ABCB8: variants seen among roughly 807,000 people sequenced by gnomAD.
ABCB8 encodes mitochondrial potassium channel ATP-binding subunit.
ABCB8 carries 52 observed loss-of-function variants against 73.0 expected under a neutral mutation model. The observed-to-expected ratio is 0.71, with a 90% CI of 0.57 to 0.90. ABCB8 has a LOEUF of 0.90. ABCB8 is among the 40% of genes least tolerant of loss of function. ABCB8 has a pLI of 0.00. For synonymous variants in ABCB8, 428 were observed against 423.5 expected, an observed-to-expected ratio of 1.01 and a Z score of -0.13; for missense variants, 909 against 974.6, an observed-to-expected ratio of 0.93 and a Z score of 0.90.
At chr7:151,032,747 T>C in intron 1 of ABCB8, 1 of 282,006 alleles carries the variant, frequency 3.5e-6, no homozygotes, top group Non-Finnish European at 7.2e-6. Flanking sequence ...TAGCATTTTA[T>C]AGATGTGGCA....
chr7:151,033,344 G>C, intron 1 of ABCB8: 1 of 1,239,886 alleles, frequency 8.1e-7, no homozygotes, highest in Non-Finnish European at 1.1e-6. Flanking sequence ...GGCTGGCTGG[G>C]TGTTGCCTGA....
chr7:151,031,033 A>G (rs1439697631), intron 1 of ABCB8, among the ~76,000 whole-genome samples: 2 of 152,218 alleles, frequency 1.3e-5, no homozygotes, highest in African/African-American at 4.8e-5. Flanking sequence ...GTATGTGTTC[A>G]TTGTACTGGG....
rs1424454808 is a variant in ABCB8, at chr7:151,041,106, C to G, written c.1491C>G (p.Thr497=). The change falls in exon 13 of 16, where the codon ACC becomes ACG. Residue 497 remains threonine, a synonymous_variant. Coordinates refer to ENST00000358849, the MANE Select transcript of ABCB8 (RefSeq NM_007188.5). ...CTCAACCCAATTCCCCAGGAAAGAC[C>G]ACCGTGGCTTCCCTGCTGGAGCGCT... The part of the protein sequence containing the change: ...ALVGQSGGGK[T]TVASLLERFY... 5.6e-6 allele frequency: 9 copies of G among 1,613,554 alleles called. No homozygotes were observed. In the East Asian group the frequency reaches 2.0e-4, roughly 36 times the overall value.
intron 15 of ABCB8, among the ~76,000 whole-genome samples, 167 bp downstream of exon 15, chr7:151,044,388 C>G (rs569419199): frequency 2.8e-4 from 42 of 152,298 alleles, no homozygotes; most frequent in African/African-American, 9.9e-4. Flanking sequence ...TGCATTCAGC[C>G]AAGCCCTGGC....
In ABCB8 at chr7:151,031,657, A is replaced by AGTC. The variant is rs1217627128; in HGVS notation, c.96-1947_96-1945dup. 3.0e-5 allele frequency: 5 copies of AGTC among 164,624 alleles called. No homozygotes were observed. In the Admixed American group the frequency reaches 3.0e-4, roughly 10 times the overall value. 10.2% of individuals were successfully genotyped at this position (164,624 alleles called of 1,614,324 possible). Reference sequence around the variant, plus strand: ...ATCTTTTTTTTTTTTTTCAAGACAGAGTCTTGCTCTGTTGTCCAGGCTGGA... The same window carrying AGTC: ...ATCTTTTTTTTTTTTTTCAAGACAGAGTCGTCTTGCTCTGTTGTCCAGGCTGGA... On this transcript the variant is annotated intron_variant, in intron 1 of 15. Coordinates refer to ENST00000358849, the MANE Select transcript of ABCB8 (RefSeq NM_007188.5).
Position 151,035,714 on chromosome 7 carries a change from G to A in ABCB8, c.899G>A (p.Arg300Gln), listed in dbSNP as rs754096279. 2.7e-5 allele frequency: 43 copies of A among 1,613,502 alleles called. No homozygotes were observed. The highest frequency in any genetic ancestry group is 3.3e-5 in the Admixed American group (2 of 60,028). The change falls in exon 6 of 16, where the codon CGA becomes CAA. Residue 300 changes from arginine (R) to glutamine (Q), a missense_variant. By Grantham distance (43) the Arg-to-Gln change is conservative. Transcript: ENST00000358849. ...GVGTLMGSGL[R>Q]KLSRQCQEQI... ...GGCACCCTGATGGGCTCAGGCCTCC[G>A]AAAATTGTCTCGCCAGTGTCAGGAG...
intron 9 of ABCB8, chr7:151,037,642 C>A: frequency 2.7e-6 from 1 of 368,256 alleles, no homozygotes; most frequent in Non-Finnish European, 5.2e-6. Flanking sequence ...GCCACCCCAT[C>A]CCTCCCCCCA....
At chr7:151,040,367 C>T (rs1288078634) in intron 10 of ABCB8, 66 bp downstream of exon 10, 1 of 1,601,434 alleles carries the variant, frequency 6.2e-7, no homozygotes, top group Admixed American at 1.7e-5. Context: ...GCTGTGGGAG[C>T]TGCCTATTGA....
chr7:151,037,837 A>G (rs1214177625), intron 9 of ABCB8: 2 of 170,526 alleles, frequency 1.2e-5, no homozygotes, highest in Non-Finnish European at 2.5e-5. Context: ...CAAACCTGAC[A>G]TTCCACAGAG....
At chr7:151,028,816 G>T in intron 1 of ABCB8, 1 of 1,555,634 alleles carries the variant, frequency 6.4e-7, no homozygotes. Flanking sequence ...TCCTGCGTCT[G>T]CAGCCGCGTG....
intron 14 of ABCB8, among the ~76,000 whole-genome samples, chr7:151,043,147 A>G (rs1239545132): frequency 1.3e-5 from 2 of 152,210 alleles, no homozygotes; most frequent in African/African-American, 4.8e-5. Context: ...CCCCACAGCC[A>G]CAGAGACCCG....
chr7:151,034,876 A>C, intron 5 of ABCB8, 47 bp downstream of exon 5: 1 of 1,531,432 alleles, frequency 6.5e-7, no homozygotes, highest in Non-Finnish European at 9.0e-7. Flanking sequence ...ACACTTTCCC[A>C]TGTGGATTCA....
intron 14 of ABCB8, among the ~76,000 whole-genome samples, chr7:151,043,627 A>G (rs1378858388): frequency 5.1e-5 from 4 of 78,816 alleles, no homozygotes; most frequent in Admixed American, 1.6e-4. Context: ...GCACAGTGCA[A>G]GGTGGAGGGT....
chr7:151,028,771 T>C, intron 1 of ABCB8, 161 bp downstream of exon 1: 2 of 1,536,874 alleles, frequency 1.3e-6, no homozygotes, highest in Non-Finnish European at 1.7e-6. Flanking sequence ...TGGCCTCAAT[T>C]ATTTATAGTG....
At chr7:151,032,467 A>G (rs965206967) in intron 1 of ABCB8, among the ~76,000 whole-genome samples, 1 of 152,186 alleles carries the variant, frequency 6.6e-6, no homozygotes, top group Non-Finnish European at 1.5e-5. Flanking sequence ...AGGCTGAGGC[A>G]GGTGGATCAT....
At chr7:151,035,438 G>A (rs923549929) in intron 5 of ABCB8, 143 bp from the exon 6 acceptor site, 2 of 950,592 alleles carry the variant, frequency 2.1e-6, no homozygotes, top group African/African-American at 3.3e-5. Flanking sequence ...ACTGTGACCG[G>A]TGGACTGCCA....
intron 8 of ABCB8, 35 bp downstream of exon 8, chr7:151,036,205 G>A (rs1796305158): frequency 4.5e-6 from 7 of 1,566,516 alleles, no homozygotes; most frequent in Non-Finnish European, 6.1e-6. Flanking sequence ...AGGGGCGCTT[G>A]TGGGCTGGGG....
intron 12 of ABCB8, 46 bp from the exon 13 acceptor site, chr7:151,041,053 A>G (rs557561587): frequency 8.1e-6 from 13 of 1,613,196 alleles, no homozygotes; most frequent in African/African-American, 1.3e-5. Flanking sequence ...TCCTGGGACA[A>G]TCCCTAGAAT....
chr7:151,032,373 G>A lies in ABCB8; in HGVS notation c.96-1232G>A, dbSNP rs544433841. On this transcript the variant is annotated intron_variant, in intron 1 of 15. Coordinates refer to ENST00000358849, the MANE Select transcript of ABCB8 (RefSeq NM_007188.5). Reference sequence around the variant, plus strand: ...CTGTCATGTAACTCCATAACTCCGAGCAGAGCACCTGCACACAGTAGGTTC... The same window carrying A: ...CTGTCATGTAACTCCATAACTCCGAACAGAGCACCTGCACACAGTAGGTTC... Among the ~76,000 whole-genome samples the A allele has an allele frequency of 3.3e-5, 5 of 152,338 alleles. No homozygotes were observed. The East Asian group carries it at 9.6e-4, about 29-fold the overall frequency.
Sources: allele counts gnomAD v4.1 joint callset (sites outside exome capture counted in the v4.1 genomes callset), GRCh38; gene constraint gnomAD v4.1.1; transcripts MANE v1.5; gene names NCBI Gene and HGNC (gene_info 2026-07-23, HGNC 2026-07-21).